Variants in CAMK2D observed in about 807,000 individuals in gnomAD.
The protein encoded by CAMK2D is calcium/calmodulin dependent protein kinase II delta.
A neutral mutation model predicts 84.0 loss-of-function variants in CAMK2D; 37 were observed. That is an observed-to-expected ratio of 0.44 (90% CI 0.34 to 0.58). The LOEUF (loss-of-function observed/expected upper bound fraction) is 0.58. Among genes scored for constraint, CAMK2D ranks in the 20% least tolerant of loss-of-function variants. CAMK2D has a pLI of 0.02. For missense variants in CAMK2D, 448 were observed against 652.5 expected (o/e 0.69, Z 3.41); for synonymous variants, 202 against 212.5 (o/e 0.95, Z 0.43).
intron 2 of CAMK2D, among the ~76,000 whole-genome samples, chr4:113,681,353 TG>T (rs2099345263): frequency 1.3e-5 from 2 of 152,120 alleles, no homozygotes; most frequent in Admixed American, 6.5e-5. Flanking sequence ...CAAGATCTGA[TG>T]GTTTTATAAA....
chr4:113,599,751 AAGTT>A (rs1341493975), intron 4 of CAMK2D, among the ~76,000 whole-genome samples: 1 of 152,344 alleles, frequency 6.6e-6, no homozygotes, highest in African/African-American at 2.4e-5. Context: ...AAAATAAAGT[AAGTT>A]AGAGAGAAGA....
intron 4 of CAMK2D, among the ~76,000 whole-genome samples, chr4:113,607,209 A>C (rs575495554): frequency 6.6e-6 from 1 of 152,308 alleles, no homozygotes; most frequent in Non-Finnish European, 1.5e-5. Flanking sequence ...AAAAGTAAAA[A>C]CAAGAGCTGA....
intron 16 of CAMK2D, among the ~76,000 whole-genome samples, chr4:113,486,672 C>T (rs1277329036): frequency 6.6e-6 from 1 of 152,194 alleles, no homozygotes; most frequent in African/African-American, 2.4e-5. Flanking sequence ...CTTCCTGATG[C>T]TATACTTACA....
At chr4:113,620,511 G>GTT (rs745615702) in intron 3 of CAMK2D, among the ~76,000 whole-genome samples, 29 of 141,880 alleles carry the variant, frequency 2.0e-4, no homozygotes, top group Non-Finnish European at 2.6e-4. Flanking sequence ...TTTTACAAGA[G>GTT]TTTTTTTTTT....
intron 2 of CAMK2D, chr4:113,754,096 AAAG>A (rs1435101240): frequency 2.3e-6 from 2 of 873,298 alleles, no homozygotes; most frequent in Non-Finnish European, 2.7e-6. Context: ...TTTGAAATAT[AAAG>A]ATATGTTTTA....
intron 4 of CAMK2D, among the ~76,000 whole-genome samples, chr4:113,570,324 A>G (rs1474030274): frequency 6.6e-6 from 1 of 152,180 alleles, no homozygotes; most frequent in Non-Finnish European, 1.5e-5. Context: ...TGTGTATGGA[A>G]CCTCAAACAG....
At chr4:113,578,423 G>A (rs937605494) in intron 4 of CAMK2D, among the ~76,000 whole-genome samples, 2 of 152,178 alleles carry the variant, frequency 1.3e-5, no homozygotes, top group Admixed American at 6.5e-5. Context: ...AAGCCACACT[G>A]TGCCACTCAC....
In CAMK2D at chr4:113,497,250, T is replaced by G. The variant is rs537930877; in HGVS notation, c.1135+3213A>C. 5.8e-4 allele frequency among the ~76,000 whole-genome samples: 89 copies of G among 152,254 alleles called. 4 individuals are homozygous for G. The South Asian group carries it at 0.018, about 31-fold the overall frequency. ...TCATATAAAGGGTAGGAAACAGCAT[T>G]TTGACTCTGGTGCATTCAAATCTCT... On this transcript the variant is annotated intron_variant, in intron 16 of 20. Transcript: ENST00000511664.
At chr4:113,639,387 T>C (rs17630766) in intron 3 of CAMK2D, among the ~76,000 whole-genome samples, 20,915 of 151,828 alleles carry the variant, frequency 0.14, 1,555 homozygotes, top group East Asian at 0.23. Flanking sequence ...AGATAAAAAG[T>C]GAATGAGGTC....
rs760511898 is a variant in CAMK2D at position 113,465,540 on chromosome 4, A to C, written c.1200T>G (p.Phe400Leu). ...CGTCCGCTACTCACGTGTAGGCTTCAAAGTCCCCATTGTTGATAGCTTCGA... is the reference window on the plus strand; with the variant it reads ...CGTCCGCTACTCACGTGTAGGCTTCCAAGTCCCCATTGTTGATAGCTTCGA... ...QLIEAINNGD[F>L]EAYTKICDPG... The change falls in exon 17 of 21, where the codon TTT becomes TTG. Residue 400 changes from phenylalanine to leucine, a missense_variant. Around this residue, in one of 7 missense-constraint regions of CAMK2D, gnomAD observed 219 missense variants for 272.1 expected, o/e 0.80. Transcript: ENST00000511664. 9.3e-6 allele frequency: 15 copies of C among 1,610,108 alleles called. 1 individual carries two copies. The South Asian group carries it at 1.7e-4, about 18-fold the overall frequency.
chr4:113,628,447 C>T (rs969612318), intron 3 of CAMK2D, among the ~76,000 whole-genome samples: 1 of 151,822 alleles, frequency 6.6e-6, no homozygotes, highest in African/African-American at 2.4e-5. Context: ...TTTAAAAATG[C>T]GCAGTAAAAT....
chr4:113,599,224 C>T (rs2098941088), intron 4 of CAMK2D, among the ~76,000 whole-genome samples: 1 of 152,170 alleles, frequency 6.6e-6, no homozygotes, highest in South Asian at 2.1e-4. Flanking sequence ...CAGGAACTCT[C>T]ATTCATTGCT....
In CAMK2D at chr4:113,453,675, C is replaced by T. The variant is rs73841627; in HGVS notation, c.*870G>A. ...TTCACTTCTATTCTTTTCTCACACA[C>T]TACTAGCCAGCCTCCCCAAAAAAGG... is the stretch of plus-strand genomic sequence containing the variant. On this transcript the variant is annotated 3_prime_UTR_variant, in exon 21 of 21. Transcript: ENST00000511664. 2.0e-5 allele frequency: 3 copies of T among 151,974 alleles called. No individual in the cohort carries two copies. The highest frequency in any genetic ancestry group is 4.4e-5 in the Non-Finnish European group (3 of 67,984). The allele number at this position is 151,974 out of a possible 1,614,324, so 9.4% of individuals were successfully genotyped here.
rs2099641001 is a variant in CAMK2D at position 113,761,334 on chromosome 4, T to C, written c.-266A>G. 3 of 1,391,706 alleles carry C rather than the reference T, an allele frequency of 2.2e-6. No homozygotes were observed. The allele number at this position is 1,391,706 out of a possible 1,614,324, so 86.2% of individuals were successfully genotyped here. On this transcript the variant is annotated 5_prime_UTR_variant, in exon 1 of 21. Transcript: ENST00000511664. Reference sequence around the variant, plus strand: ...CGCTTCCTTCTTCTCCACTGGACGCTCCACCCGCCCCTTTTCCAGTCCCTG... The same window carrying C: ...CGCTTCCTTCTTCTCCACTGGACGCCCCACCCGCCCCTTTTCCAGTCCCTG...
At chr4:113,663,590 A>AAAT (rs10525797) in intron 2 of CAMK2D, among the ~76,000 whole-genome samples, 11,483 of 145,850 alleles carry the variant, frequency 0.079, 508 homozygotes, top group South Asian at 0.13. Flanking sequence ...CTCTGTCTAA[A>AAAT]AATAATAATA....
chr4:113,612,594 T>A (rs2099004997), intron 3 of CAMK2D, among the ~76,000 whole-genome samples: 1 of 152,184 alleles, frequency 6.6e-6, no homozygotes, highest in African/African-American at 2.4e-5. Context: ...ATTAGCCTAA[T>A]TACAGTTGTC....
chr4:113,566,713 T>C (rs867384739), intron 4 of CAMK2D, among the ~76,000 whole-genome samples: 4 of 152,174 alleles, frequency 2.6e-5, no homozygotes, highest in African/African-American at 9.7e-5. Flanking sequence ...CTCAGGGCTG[T>C]ACCCATTGTT....
intron 4 of CAMK2D, among the ~76,000 whole-genome samples, chr4:113,573,404 C>G (rs1465856437): frequency 6.6e-6 from 1 of 152,160 alleles, no homozygotes; most frequent in East Asian, 1.9e-4. Context: ...CTGATGCTCT[C>G]CTTTTGGGAA....
chr4:113,668,314 G>A (rs1219617122), intron 2 of CAMK2D, among the ~76,000 whole-genome samples: 1 of 152,104 alleles, frequency 6.6e-6, no homozygotes, highest in Admixed American at 6.5e-5. Context: ...AAAGACCTCT[G>A]GCTTCAGAGT....
Sources: gnomAD v4.1 joint callset for allele counts (sites outside exome capture counted in the v4.1 genomes callset) on GRCh38, gnomAD v4.1.1 for gene constraint, gnomAD v4.1.1 regional missense constraint, MANE v1.5 for transcripts, NCBI Gene and HGNC (gene_info 2026-07-23, HGNC 2026-07-21) for gene names.